The following GPC5 variants were observed in gnomAD, a reference collection of about 807,000 sequenced individuals.
GPC5 encodes glypican 5.
A neutral mutation model predicts 53.9 loss-of-function variants in GPC5; 47 were observed. The ratio of observed to expected loss-of-function variants is 0.87; its 90% CI spans 0.69 to 1.11. The LOEUF is 1.11. Among genes scored for constraint, GPC5 ranks in the 50% most tolerant of loss-of-function variants. The pLI, the probability that GPC5 is intolerant of heterozygous loss-of-function variation, is 0.00. For missense variants in GPC5, 748 were observed against 713.1 expected, an observed-to-expected ratio of 1.05 and a Z score of -0.56; for synonymous variants, 286 against 263.3, an observed-to-expected ratio of 1.09 and a Z score of -0.84.
chr13:92,474,609 GAATTAA>G (rs1288463810), intron 7 of GPC5, among the ~76,000 whole-genome samples: 1 of 149,846 alleles, frequency 6.7e-6, no homozygotes, highest in Non-Finnish European at 1.5e-5. Context: ...TTCAGACAAA[GAATTAA>G]AATTCCTAGT....
chr13:91,622,805 G>C (rs2033897310), intron 2 of GPC5, among the ~76,000 whole-genome samples: 1 of 152,124 alleles, frequency 6.6e-6, no homozygotes, highest in African/African-American at 2.4e-5. Flanking sequence ...GGAGAGAAAA[G>C]TCCACTACTA....
At chr13:92,315,280 T>C (rs1271594577) in intron 7 of GPC5, among the ~76,000 whole-genome samples, 36 of 152,148 alleles carry the variant, frequency 2.4e-4, no homozygotes, top group Non-Finnish European at 2.9e-5. Flanking sequence ...GCAGTGGGAC[T>C]GGGGAGGTTT....
chr13:91,546,846 A>G (rs1407549765), intron 2 of GPC5, among the ~76,000 whole-genome samples: 1 of 152,104 alleles, frequency 6.6e-6, no homozygotes, highest in Admixed American at 6.6e-5. Flanking sequence ...CTTGCTTAGA[A>G]TTAAGAATGA....
intron 2 of GPC5, among the ~76,000 whole-genome samples, chr13:91,587,365 C>A (rs2032637752): frequency 1.3e-5 from 2 of 152,100 alleles, no homozygotes; most frequent in African/African-American, 4.8e-5. Context: ...ATGATCTAAG[C>A]ATGACCTTTT....
intron 7 of GPC5, among the ~76,000 whole-genome samples, chr13:92,808,019 C>A (rs1184608210): frequency 6.6e-6 from 1 of 152,010 alleles, no homozygotes; most frequent in Non-Finnish European, 1.5e-5. Flanking sequence ...TATAGACTGA[C>A]TAGTTATATG....
At chr13:92,295,235 C>T (rs765024001) in intron 7 of GPC5, among the ~76,000 whole-genome samples, 5 of 152,062 alleles carry the variant, frequency 3.3e-5, no homozygotes, top group Non-Finnish European at 1.5e-5. Flanking sequence ...TCATTCAGTT[C>T]GAAAAGTTTT....
At chr13:92,122,435 C>A (rs1443208213) in intron 6 of GPC5, among the ~76,000 whole-genome samples, 1 of 151,866 alleles carries the variant, frequency 6.6e-6, no homozygotes, top group African/African-American at 2.4e-5. Flanking sequence ...GCTCCGATTA[C>A]GCTTCTGCTT....
chr13:91,785,286 T>C (rs1472848274), intron 5 of GPC5, among the ~76,000 whole-genome samples: 2 of 152,186 alleles, frequency 1.3e-5, no homozygotes, highest in Non-Finnish European at 2.9e-5. Flanking sequence ...CTGAGCATTG[T>C]AGGATGTTCA....
rs754665537 is a variant in GPC5 at position 91,728,623 on chromosome 13, C to A, written c.1112C>A (p.Thr371Asn). Residue 371 changes from threonine to asparagine, a missense_variant, in exon 4 of 8, where the codon ACC becomes AAC. Physicochemically the swap from Thr to Asn is moderately conservative, Grantham distance 65. Transcript: ENST00000377067. ...AGCAAAGAGAAGCATGGAATGAAGA[C>A]CACCACAAGGAACAGTGAAGAGACG... ...DQSKEKHGMK[T>N]TTRNSEETLA... 12 of 1,613,044 alleles carry A rather than the reference C, an allele frequency of 7.4e-6. No individual in the cohort carries two copies. The East Asian group carries it at 2.5e-4, about 33-fold the overall frequency.
rs1263651880 is a variant in GPC5, at chr13:92,612,023, ACT to A, written c.1562-254254_1562-254253del. Among the ~76,000 whole-genome samples the A allele has an allele frequency of 5.3e-5, 8 of 152,076 alleles. No homozygotes were observed. The East Asian group carries it at 1.3e-3, about 26-fold the overall frequency. ...TTTAGACATGACTTGGTAAAAATGAACTCTCTTACTACTCCAAGAGTATGCAT... is the reference window on the plus strand; with the variant it reads ...TTTAGACATGACTTGGTAAAAATGAACTCTTACTACTCCAAGAGTATGCAT... On this transcript the variant is annotated intron_variant, in intron 7 of 7. Coordinates refer to ENST00000377067, the MANE Select transcript of GPC5 (RefSeq NM_004466.6).
At chr13:92,559,764 G>A (rs1455686564) in intron 7 of GPC5, among the ~76,000 whole-genome samples, 10 of 151,442 alleles carry the variant, frequency 6.6e-5, no homozygotes, top group East Asian at 2.0e-4. Flanking sequence ...TCTGATGACC[G>A]TGGTGTTTTT....
intron 6 of GPC5, among the ~76,000 whole-genome samples, chr13:91,952,185 C>CTA (rs1242606580): frequency 2.7e-4 from 27 of 98,898 alleles, no homozygotes; most frequent in Non-Finnish European, 1.1e-4. Context: ...CTCTCTCTCT[C>CTA]TCTCTGTGTG....
intron 7 of GPC5, among the ~76,000 whole-genome samples, chr13:92,837,761 G>T (rs1290215327): frequency 6.6e-6 from 1 of 152,090 alleles, no homozygotes; most frequent in Non-Finnish European, 1.5e-5. Flanking sequence ...ACTCTGGAAG[G>T]CTGGAATAAA....
intron 7 of GPC5, among the ~76,000 whole-genome samples, chr13:92,644,158 T>C (rs1885688594): frequency 6.6e-6 from 1 of 152,166 alleles, no homozygotes; most frequent in Non-Finnish European, 1.5e-5. Flanking sequence ...TCTCATCTAG[T>C]GTTTAAGAAG....
At chr13:92,304,644 G>C (rs1001991396) in intron 7 of GPC5, among the ~76,000 whole-genome samples, 2 of 151,802 alleles carry the variant, frequency 1.3e-5, no homozygotes, top group Non-Finnish European at 2.9e-5. Flanking sequence ...TGAGTGGCTA[G>C]TGGAATTATT....
At chr13:92,718,895 C>CCA (rs1888416900) in intron 7 of GPC5, among the ~76,000 whole-genome samples, 1 of 102,942 alleles carries the variant, frequency 9.7e-6, no homozygotes, top group Admixed American at 9.2e-5. Flanking sequence ...CGTCCCCCCA[C>CCA]AAAAAAAAAA....
Position 91,719,193 on chromosome 13 carries a change from C to T in GPC5, c.1021-9339C>T, listed in dbSNP as rs115392883. ...AGTGAATTGATTAAGGTCAATAGCA[C>T]GTGTTCTAGAATCTGCAGTTGCCCG... On this transcript the variant is annotated intron_variant, in intron 3 of 7. Transcript: ENST00000377067. 1.0e-2 allele frequency among the ~76,000 whole-genome samples: 1,522 copies of T among 152,266 alleles called. 24 individuals are homozygous for T. Among genetic ancestry groups the T allele is most frequent in the African/African-American group, 0.034 (1,432 of 41,536 alleles).
At chr13:92,497,716 A>G (rs920169115) in intron 7 of GPC5, among the ~76,000 whole-genome samples, 2 of 152,038 alleles carry the variant, frequency 1.3e-5, no homozygotes, top group Non-Finnish European at 2.9e-5. Flanking sequence ...TATTCATGAT[A>G]TTGATTCTTC....
At chr13:92,310,235 C>T (rs1303606657) in intron 7 of GPC5, among the ~76,000 whole-genome samples, 3 of 152,012 alleles carry the variant, frequency 2.0e-5, no homozygotes, top group Non-Finnish European at 2.9e-5. Context: ...TTTAACACCC[C>T]TCTAAATAAC....
Sources: allele counts gnomAD v4.1 joint callset (sites outside exome capture counted in the v4.1 genomes callset), GRCh38; gene constraint gnomAD v4.1.1; transcripts MANE v1.5; gene names NCBI Gene and HGNC (gene_info 2026-07-23, HGNC 2026-07-21).